NOTCH2: variants seen among roughly 807,000 people sequenced by gnomAD.
NOTCH2 encodes the protein notch receptor 2, also known as neurogenic locus notch homolog protein 2.
In NOTCH2, 29 loss-of-function variants were observed where a neutral mutation model predicts 235.8. The observed-to-expected ratio is 0.12, with a 90% CI of 0.09 to 0.17. NOTCH2 has a LOEUF of 0.17. NOTCH2 is among the 10% of genes least tolerant of loss of function. The pLI is 1.00. For missense variants in NOTCH2, 2,285 were observed against 3,150.2 expected (o/e 0.73, Z 6.57); for synonymous variants, 1,086 against 1,141.5 (o/e 0.95, Z 0.98).
chr1:119,987,648 T>G (rs587620491), intron 4 of NOTCH2, among the ~76,000 whole-genome samples: 1 of 152,280 alleles, frequency 6.6e-6, no homozygotes, highest in South Asian at 2.1e-4. Context: ...AAGCTAAAGT[T>G]CTGCATCAAC....
intron 12 of NOTCH2, among the ~76,000 whole-genome samples, chr1:119,956,904 T>A (rs1650723695): frequency 1.3e-5 from 2 of 152,224 alleles, no homozygotes; most frequent in South Asian, 4.1e-4. Flanking sequence ...GAGTTTCCAC[T>A]GAGCATGAGG....
intron 25 of NOTCH2, 69 bp from the exon 26 acceptor site, chr1:119,924,053 T>C (rs2101159652): frequency 7.5e-7 from 1 of 1,332,872 alleles, no homozygotes; most frequent in Non-Finnish European, 1.1e-6. Context: ...TGCTTTTTCA[T>C]TTGGAACTAC....
chr1:119,926,669 C>T, intron 23 of NOTCH2, 58 bp from the exon 24 acceptor site: 1 of 1,401,740 alleles, frequency 7.1e-7, no homozygotes, highest in Non-Finnish European at 9.9e-7. Flanking sequence ...CTGCAAGTTA[C>T]TCAACAAACT....
intron 2 of NOTCH2, among the ~76,000 whole-genome samples, chr1:120,024,540 C>T (rs12130502): frequency 0.044 from 5,432 of 123,720 alleles, 50 homozygotes; most frequent in Non-Finnish European, 0.07. Context: ...CTGCCTAATC[C>T]TGGCAAGGAA....
chr1:119,946,503 T>C (rs1414361887), intron 17 of NOTCH2, among the ~76,000 whole-genome samples: 4 of 152,066 alleles, frequency 2.6e-5, no homozygotes, highest in African/African-American at 9.7e-5. Flanking sequence ...CTTTTAACAT[T>C]TGCAAAATGT....
At chr1:119,967,642 T>C (rs781872091) in intron 7 of NOTCH2, 21 bp from the exon 8 acceptor site, 17 of 1,611,560 alleles carry the variant, frequency 1.1e-5, no homozygotes, top group Non-Finnish European at 1.2e-5. Context: ...CAAGTACCAA[T>C]TACTGGGATC....
rs1553199291 is a variant in NOTCH2 at position 119,963,594 on chromosome 1, T to C, written c.1895A>G (p.Asn632Ser). The C allele has an allele frequency of 2.5e-6, 4 of 1,614,050 alleles. No individual in the cohort carries two copies. Among genetic ancestry groups the C allele is most frequent in the East Asian group, 4.5e-5 (2 of 44,884 alleles). The change falls in exon 11 of 34, where the codon AAC becomes AGC. Residue 632 changes from asparagine (N) to serine (S), a missense_variant. Physicochemically the swap from Asn to Ser is conservative, Grantham distance 46 (BLOSUM62 1). Transcript: ENST00000256646. ...CIDLVNGYQC[N>S]CQPGTSGVNC... ...CTTACCTGACGTGCCTGGCTGGCAG[T>C]TGCACTGGTAGCCATTGACCAGGTC...
chr1:119,935,571 A>T lies in NOTCH2; in HGVS notation c.3556T>A (p.Tyr1186Asn), dbSNP rs377058108. The part of the protein sequence containing the change: ...VPGYQGVNCE[Y>N]EVDECQNQPC... ...TGATTCTGGCACTCATCCACTTCATACTCACAGTTGACACCCTGATAGCCT... is the reference window on the plus strand; with the variant it reads ...TGATTCTGGCACTCATCCACTTCATTCTCACAGTTGACACCCTGATAGCCT... The change falls in exon 22 of 34, where the codon TAT becomes AAT. Residue 1186 changes from tyrosine to asparagine, a missense_variant. Physicochemically the swap from Tyr to Asn is moderately radical, Grantham distance 143. Coordinates refer to ENST00000256646, the MANE Select transcript of NOTCH2 (RefSeq NM_024408.4). 2.2e-5 allele frequency: 35 copies of T among 1,614,026 alleles called. No individual in the cohort carries two copies. The highest frequency in any genetic ancestry group is 1.0e-4 in the Admixed American group (6 of 60,004).
intron 12 of NOTCH2, among the ~76,000 whole-genome samples, chr1:119,956,127 C>T (rs1650689398): frequency 1.3e-5 from 2 of 152,138 alleles, no homozygotes; most frequent in South Asian, 4.1e-4. Context: ...GCCAAGATTG[C>T]TCTTTAAAAA....
At chr1:120,029,373 T>C (rs2603918) in intron 2 of NOTCH2, among the ~76,000 whole-genome samples, 95 of 150,480 alleles carry the variant, frequency 6.3e-4, no homozygotes, top group Admixed American at 1.9e-3. Flanking sequence ...CTTTTTGAGA[T>C]GGAGTCTTGC....
chr1:119,963,855 T>G (rs182667283), intron 10 of NOTCH2, 48 bp from the exon 11 acceptor site: 15 of 1,481,266 alleles, frequency 1.0e-5, no homozygotes, highest in Non-Finnish European at 1.4e-5. Flanking sequence ...AGGCAGATAT[T>G]CCACACCAGA....
chr1:120,069,344 G>T lies in NOTCH2; in HGVS notation c.63C>A (p.Ala21=). The T allele has an allele frequency of 6.4e-7, 1 of 1,570,256 alleles. No individual in the cohort carries two copies. The highest frequency in any genetic ancestry group is 8.6e-7 in the Non-Finnish European group (1 of 1,166,642). ...ALLALWLCCA[A]PAHALQCRDG... ...CAGCCCGATACTCACCATGCGCGGG[G>T]GCCGCGCAGCACAGCCAGAGCGCCA... Residue 21 remains alanine, a synonymous_variant, in exon 1 of 34, where the codon GCC becomes GCA. Transcript: ENST00000256646.
intron 26 of NOTCH2, among the ~76,000 whole-genome samples, chr1:119,923,280 T>A (rs749525216): frequency 1.3e-4 from 20 of 152,162 alleles, no homozygotes; most frequent in Non-Finnish European, 2.5e-4. Flanking sequence ...ATTACCTGTG[T>A]CAAAGAGACA....
At chr1:120,000,490 T>C (rs327187) in intron 3 of NOTCH2, among the ~76,000 whole-genome samples, 34,363 of 129,630 alleles carry the variant, frequency 0.27, 8,420 homozygotes, top group African/African-American at 0.7. Context: ...ACCGAGATTG[T>C]GCCCTGCACT....
At chr1:119,934,860 CA>C (rs1448070056) in intron 22 of NOTCH2, among the ~76,000 whole-genome samples, 1 of 152,156 alleles carries the variant, frequency 6.6e-6, no homozygotes, top group Non-Finnish European at 1.5e-5. Flanking sequence ...AAAGCAGTGT[CA>C]ATGTCCACAG....
At chr1:119,995,899 T>C (rs2258068) in intron 4 of NOTCH2, 4 of 152,300 alleles carry the variant, frequency 2.6e-5, no homozygotes, top group East Asian at 3.9e-4. Flanking sequence ...ACCTTTAATC[T>C]CTCCAAAATA....
intron 17 of NOTCH2, among the ~76,000 whole-genome samples, chr1:119,942,928 A>T (rs587669146): frequency 7.0e-6 from 1 of 142,382 alleles, no homozygotes; most frequent in East Asian, 2.1e-4. Context: ...GCTGGAGTGC[A>T]GTGGCACAAT....
intron 3 of NOTCH2, among the ~76,000 whole-genome samples, chr1:119,999,913 GAGAGAGAAAGAA>G (rs1428559370): frequency 3.6e-5 from 4 of 110,268 alleles, no homozygotes; most frequent in Non-Finnish European, 7.4e-5. Flanking sequence ...AAGAGAGAAA[GAGAGAGAAAGAA>G]AGAAAGAAAG....
Position 119,922,781 on chromosome 1 carries a change from G to A in NOTCH2, c.4860-3C>T, listed in dbSNP as rs752354633. On this transcript the variant is annotated splice_region_variant and splice_polypyrimidine_tract_variant and intron_variant, in intron 26 of 33. Transcript: ENST00000256646. ...CAATTTCCAGAAAGACTTTAGAGCT[G>A]TGGGATGCCAAGGGAGAAGCGGAGG... 123 of 1,614,026 alleles carry A rather than the reference G, an allele frequency of 7.6e-5. No individual in the cohort carries two copies. Among genetic ancestry groups the A allele is most frequent in the Non-Finnish European group, 9.9e-5 (117 of 1,180,052 alleles).
Sources: allele counts gnomAD v4.1 joint callset (sites outside exome capture counted in the v4.1 genomes callset), GRCh38; gene constraint gnomAD v4.1.1; transcripts MANE v1.5; gene names NCBI Gene and HGNC (gene_info 2026-07-23, HGNC 2026-07-21).